Variants in KCNAB2 observed in about 807,000 individuals in gnomAD.
KCNAB2 encodes voltage-gated potassium channel subunit beta-2.
KCNAB2 carries 29 observed loss-of-function variants against 63.6 expected under a neutral mutation model. That is an observed-to-expected ratio of 0.46 (90% CI 0.34 to 0.62). The LOEUF (loss-of-function observed/expected upper bound fraction) is 0.62. KCNAB2 is among the 20% of genes least tolerant of loss of function. KCNAB2 has a pLI of 0.01. For synonymous variants in KCNAB2, 222 were observed against 224.2 expected, an observed-to-expected ratio of 0.99 and a Z score of 0.09; for missense variants, 359 against 563.9, an observed-to-expected ratio of 0.64 and a Z score of 3.68.
At position 6,073,092 on chromosome 1, in the gene KCNAB2, C is replaced by G. The variant is rs1663354507; in HGVS notation, c.262+294C>G. ...CCACCCCACACCACAAAATCAGAGGCCCTTAGGGCCCCGGGAGTGCAACGA... is the reference window on the plus strand; with the variant it reads ...CCACCCCACACCACAAAATCAGAGGGCCTTAGGGCCCCGGGAGTGCAACGA... On this transcript the variant is annotated intron_variant, in intron 3 of 15. Transcript: ENST00000378083. The surrounding 1 kb of genome is among the most constrained non-coding windows in gnomAD (Gnocchi z 5.7). 6.6e-6 allele frequency among the ~76,000 whole-genome samples: 1 copy of G among 152,128 alleles called. No individual in the cohort carries two copies. The highest frequency in any genetic ancestry group is 6.5e-5 in the Admixed American group (1 of 15,272).
intron 2 of KCNAB2, among the ~76,000 whole-genome samples, chr1:6,054,839 G>A (rs1271306897): frequency 6.6e-6 from 1 of 152,214 alleles, no homozygotes; most frequent in African/African-American, 2.4e-5. Flanking sequence ...TTGGTTGCGG[G>A]AGGGGACAAA....
chr1:6,083,626 G>C (rs1664402961), intron 5 of KCNAB2, among the ~76,000 whole-genome samples: 1 of 152,214 alleles, frequency 6.6e-6, no homozygotes, highest in Non-Finnish European at 1.5e-5. Context: ...CGGTCCCTCT[G>C]TCCAGCTCAG....
chr1:6,034,750 C>T (rs1439039594), exon 1 of KCNAB2: 1 of 152,486 alleles, frequency 6.6e-6, no homozygotes, highest in Non-Finnish European at 1.5e-5. Flanking sequence ...GGCTGCCTCT[C>T]CAGTGCTCTC....
intron 2 of KCNAB2, among the ~76,000 whole-genome samples, chr1:6,068,515 G>C (rs1239258175): frequency 2.0e-5 from 3 of 152,188 alleles, no homozygotes; most frequent in Non-Finnish European, 4.4e-5. Flanking sequence ...CCTTATACCT[G>C]GCCAGGCCTG....
chr1:6,068,565 C>T (rs1179913107), intron 2 of KCNAB2, among the ~76,000 whole-genome samples: 1 of 152,202 alleles, frequency 6.6e-6, no homozygotes, highest in Non-Finnish European at 1.5e-5. Context: ...AGGGTAGGTT[C>T]ATAGCCCTGT....
chr1:5,993,743 T>G (rs1382760057), intron 1 of KCNAB2, among the ~76,000 whole-genome samples: 4 of 152,140 alleles, frequency 2.6e-5, no homozygotes, highest in Non-Finnish European at 5.9e-5. Flanking sequence ...CTGGCCACCG[T>G]CTCCTTCCCT....
chr1:6,015,898 G>A (rs1449997937), intron 1 of KCNAB2, among the ~76,000 whole-genome samples: 1 of 152,030 alleles, frequency 6.6e-6, no homozygotes, highest in Non-Finnish European at 1.5e-5. Context: ...TAGAGACGGG[G>A]TTTTACCATG....
At chr1:5,992,801 G>C (rs1433781038) in intron 1 of KCNAB2, 1 of 152,038 alleles carries the variant, frequency 6.6e-6, no homozygotes, top group Non-Finnish European at 1.5e-5. Flanking sequence ...GAGTACCGGG[G>C]AGACCCCGGC....
chr1:6,031,384 A>G (rs1005804054), upstream of KCNAB2, among the ~76,000 whole-genome samples: 4 of 152,188 alleles, frequency 2.6e-5, no homozygotes, highest in African/African-American at 9.7e-5. This position sits in a 1 kb window ranked among gnomAD's most constrained non-coding sequence, Gnocchi z 4.1. Flanking sequence ...TGCGCCCAAT[A>G]TAATAGTCAT....
chr1:5,995,101 C>T (rs917358480), intron 1 of KCNAB2, among the ~76,000 whole-genome samples: 7 of 152,148 alleles, frequency 4.6e-5, no homozygotes, highest in Non-Finnish European at 1.0e-4. Context: ...CGCCAGAGGT[C>T]CCAGAGTGAA....
Position 6,046,019 on chromosome 1 carries a change from A to T in KCNAB2, c.-191A>T. 2.0e-6 allele frequency: 2 copies of T among 985,464 alleles called. No homozygotes were observed. The highest frequency in any genetic ancestry group is 2.4e-6 in the Non-Finnish European group (2 of 829,944). 61.0% of individuals were successfully genotyped at this position (985,464 alleles called of 1,614,324 possible). ...TAGAACTAATGGACTCGCTGCCTCA[A>T]AACTCGACTCTGGTGGGACTCATCT... On this transcript the variant is annotated 5_prime_UTR_variant, in exon 1 of 16. Transcript: ENST00000378083.
chr1:6,010,271 A>G (rs948092958), intron 1 of KCNAB2, among the ~76,000 whole-genome samples: 1 of 152,178 alleles, frequency 6.6e-6, no homozygotes, highest in Non-Finnish European at 1.5e-5. Flanking sequence ...TGTCCCTGCA[A>G]TAAAGAACCA....
At chr1:6,057,774 A>G (rs1357133415) in intron 2 of KCNAB2, among the ~76,000 whole-genome samples, 1 of 151,864 alleles carries the variant, frequency 6.6e-6, no homozygotes, top group Non-Finnish European at 1.5e-5. Context: ...TTGTGGCCAC[A>G]TCGCTCCAAC....
intron 2 of KCNAB2, among the ~76,000 whole-genome samples, chr1:6,059,472 G>C (rs1662121155): frequency 6.6e-6 from 1 of 152,174 alleles, no homozygotes; most frequent in African/African-American, 2.4e-5. Flanking sequence ...TTATAGGCAT[G>C]AGCCACTGTG....
In KCNAB2 at chr1:6,085,227, T is replaced by C; in HGVS notation, c.404T>C (p.Ile135Thr). 1 of 1,614,064 alleles carries C rather than the reference T, an allele frequency of 6.2e-7. No homozygotes were observed. Among genetic ancestry groups the C allele is most frequent in the South Asian group, 1.1e-5 (1 of 91,082 alleles). The stretch of plus-strand genomic sequence containing the variant: ...AGGGCTGAAGTGGTACTGGGAAACA[T>C]CATTAAGAAGAAAGGATGGAGGTAA... ...AGKAEVVLGN[I>T]IKKKGWRRSS... is the part of the protein sequence containing the mutation. The change falls in exon 6 of 16, where the codon ATC (isoleucine) becomes ACC (threonine). Residue 135 changes from isoleucine (I) to threonine (T), a missense_variant. Physicochemically the swap from Ile to Thr is moderately conservative, Grantham distance 89. Around this residue, in one of 2 missense-constraint regions of KCNAB2, gnomAD observed 271 missense variants for 476.1 expected, o/e 0.57. Transcript: ENST00000378083.
At chr1:6,005,462 G>T (rs1395625522) in intron 1 of KCNAB2, among the ~76,000 whole-genome samples, 20 of 83,486 alleles carry the variant, frequency 2.4e-4, no homozygotes, top group Non-Finnish European at 4.5e-4. Flanking sequence ...GAGGGTGGAG[G>T]CGGGGACGTG....
chr1:6,045,454 G>A (rs1471620875), upstream of KCNAB2, among the ~76,000 whole-genome samples: 1 of 152,162 alleles, frequency 6.6e-6, no homozygotes, highest in East Asian at 1.9e-4. This position sits in a 1 kb window ranked among gnomAD's most constrained non-coding sequence, Gnocchi z 4.8. Flanking sequence ...GTGGAGAAGG[G>A]CTCCTGTGTC....
At chr1:6,014,804 C>A (rs954391242) in intron 1 of KCNAB2, among the ~76,000 whole-genome samples, 1 of 152,156 alleles carries the variant, frequency 6.6e-6, no homozygotes, top group Non-Finnish European at 1.5e-5. Context: ...AGGCTAGGCT[C>A]GCAGGCAGCA....
intron 1 of KCNAB2, among the ~76,000 whole-genome samples, chr1:6,017,313 C>T (rs1178962235): frequency 6.6e-6 from 1 of 152,108 alleles, no homozygotes; most frequent in East Asian, 1.9e-4. Flanking sequence ...TGCAGTGGCA[C>T]GATCTTAGCT....
Sources: gnomAD v4.1 joint callset for allele counts (sites outside exome capture counted in the v4.1 genomes callset) on GRCh38, gnomAD v4.1.1 for gene constraint, gnomAD v4.1.1 regional missense constraint, Gnocchi (gnomAD v3.1) non-coding constraint, MANE v1.5 for transcripts, NCBI Gene and HGNC (gene_info 2026-07-23, HGNC 2026-07-21) for gene names.